Variants in USP34 observed in about 807,000 individuals in gnomAD.
USP34 encodes the protein ubiquitin carboxyl-terminal hydrolase 34.
Under a neutral mutation model 460.3 loss-of-function variants are expected in USP34, and 70 were observed. That is an observed-to-expected ratio of 0.15 (90% CI 0.13 to 0.19). USP34 has a LOEUF of 0.19. USP34 is among the 10% of genes least tolerant of loss of function. USP34 has a pLI of 1.00. For synonymous variants in USP34, 1,647 were observed against 1,405.3 expected, an observed-to-expected ratio of 1.17 and a Z score of -3.85; for missense variants, 3,985 against 4,236.2, an observed-to-expected ratio of 0.94 and a Z score of 1.65.
chr2:61,333,197 C>T (rs930458880), intron 19 of USP34, among the ~76,000 whole-genome samples: 4 of 151,988 alleles, frequency 2.6e-5, no homozygotes, highest in African/African-American at 9.7e-5. Flanking sequence ...AAAGTTCTAC[C>T]TCTGGAAGAA....
intron 43 of USP34, among the ~76,000 whole-genome samples, chr2:61,261,927 AC>A (rs1430462252): frequency 1.3e-5 from 2 of 151,324 alleles, no homozygotes; most frequent in Non-Finnish European, 2.9e-5. Flanking sequence ...AGATGGTTAA[AC>A]CCTGTCTCTG....
chr2:61,425,221 A>G (rs1010062468), intron 1 of USP34, among the ~76,000 whole-genome samples: 9 of 152,206 alleles, frequency 5.9e-5, no homozygotes, highest in Admixed American at 5.9e-4. Context: ...ATCTACATAG[A>G]AAAAACACCT....
At chr2:61,412,114 A>T (rs1045958503) in intron 2 of USP34, among the ~76,000 whole-genome samples, 3 of 149,630 alleles carry the variant, frequency 2.0e-5, no homozygotes, top group African/African-American at 7.4e-5. Context: ...ACTTGAACCC[A>T]GGAGGCAGAG....
chr2:61,425,573 G>A (rs546183688), intron 1 of USP34, among the ~76,000 whole-genome samples: 1 of 152,194 alleles, frequency 6.6e-6, no homozygotes, highest in Admixed American at 6.5e-5. Flanking sequence ...GCCCTAAAGC[G>A]GAGGGCAACT....
At position 61,285,094 on chromosome 2, in the gene USP34, T is replaced by G. The variant is rs1416393644; in HGVS notation, c.4750-137A>C. 4 of 604,854 alleles carry G rather than the reference T, an allele frequency of 6.6e-6. No homozygotes were observed. In the African/African-American group the frequency reaches 7.4e-5, roughly 11 times the overall value. 37.5% of individuals were successfully genotyped at this position (604,854 alleles called of 1,614,324 possible). A position where few individuals can be genotyped will look rare whatever the true frequency, so the allele number is the denominator to read the frequency against. On this transcript the variant is annotated intron_variant, in intron 34 of 79. Coordinates refer to ENST00000398571, the MANE Select transcript of USP34 (RefSeq NM_014709.4). ...AAATTCCAAATTATTTTGATATTTA[T>G]CTATAACACAATAAAGAATGTCGTA...
chr2:61,188,640 C>A lies in USP34; in HGVS notation c.10103G>T (p.Cys3368Phe). 6.2e-7 allele frequency: 1 copy of A among 1,614,176 alleles called. No homozygotes were observed. The change falls in exon 80 of 80, where the codon TGC (cysteine) becomes TTC (phenylalanine). Residue 3368 changes from cysteine (C) to phenylalanine (F), a missense_variant. Cys to Phe is a radical substitution (Grantham distance 205, BLOSUM62 -2). Around this residue, in one of 14 missense-constraint regions of USP34, gnomAD observed 506 missense variants for 439.0 expected, o/e 1.15. Coordinates refer to ENST00000398571, the MANE Select transcript of USP34 (RefSeq NM_014709.4). ...GGTTTCTGTTTTCATGTCACTGATG[C>A]AGCTGTCTACAGTGTGCTCCTCATC... ...SSDEEHTVDS[C>F]ISDMKTETRE...
intron 48 of USP34, among the ~76,000 whole-genome samples, chr2:61,251,939 G>A (rs1174627369): frequency 6.6e-6 from 1 of 151,264 alleles, no homozygotes; most frequent in African/African-American, 2.4e-5. Context: ...ACTCAATTCG[G>A]TTGTTAAATA....
intron 21 of USP34, among the ~76,000 whole-genome samples, chr2:61,321,298 C>T (rs1476266754): frequency 1.3e-5 from 2 of 152,096 alleles, no homozygotes; most frequent in African/African-American, 4.8e-5. Flanking sequence ...TGGTGAAACC[C>T]TGTCTCTACT....
chr2:61,206,857 G>C lies in USP34; in HGVS notation c.8949C>G (p.His2983Gln). The C allele has an allele frequency of 6.2e-7, 1 of 1,613,446 alleles. No individual in the cohort carries two copies. The highest frequency in any genetic ancestry group is 8.5e-7 in the Non-Finnish European group (1 of 1,179,690). The change falls in exon 71 of 80, where the codon CAC becomes CAG. Residue 2983 changes from histidine to glutamine, a missense_variant. This residue lies in a region of USP34 where 275 missense variants were observed against 292.7 expected (regional missense o/e 0.94). Transcript: ENST00000398571. ...CAGTCACATGGCAAGCTGTAGCTTC[G>C]TGATACATCATGTGCAAAGTGTTGA... ...ESFNTLHMMY[H>Q]EATACHVTGD...
At chr2:61,374,177 A>G (rs766385682) in intron 8 of USP34, among the ~76,000 whole-genome samples, 89 of 151,434 alleles carry the variant, frequency 5.9e-4, no homozygotes, top group East Asian at 3.5e-3. Context: ...AAAAAAAAAA[A>G]ACAGAGAAAA....
At chr2:61,236,613 G>A (rs2103845983) in intron 53 of USP34, among the ~76,000 whole-genome samples, 1 of 152,150 alleles carries the variant, frequency 6.6e-6, no homozygotes, top group East Asian at 1.9e-4. Flanking sequence ...CAATTGTGAG[G>A]TTTTTATTGT....
chr2:61,400,442 T>C (rs1391879347), intron 3 of USP34, among the ~76,000 whole-genome samples: 1 of 152,076 alleles, frequency 6.6e-6, no homozygotes, highest in Admixed American at 6.6e-5. Flanking sequence ...ATTAAGAAAA[T>C]GCTGCTCCAT....
At chr2:61,210,829 G>GCC (rs376596070) in intron 69 of USP34, among the ~76,000 whole-genome samples, 2 of 151,936 alleles carry the variant, frequency 1.3e-5, no homozygotes, top group African/African-American at 2.4e-5. Flanking sequence ...TCCCACCTCA[G>GCC]CCCCCCGAGG....
chr2:61,304,947 C>CA (rs1348538472), intron 27 of USP34, among the ~76,000 whole-genome samples: 5 of 152,084 alleles, frequency 3.3e-5, no homozygotes, highest in African/African-American at 1.2e-4. Flanking sequence ...AATGAAATCT[C>CA]AAAAAACTCT....
intron 27 of USP34, among the ~76,000 whole-genome samples, chr2:61,307,898 A>T (rs939527637): frequency 6.6e-6 from 1 of 151,878 alleles, no homozygotes; most frequent in African/African-American, 2.4e-5. Context: ...AAAATACAAA[A>T]ATCAGCTGGG....
chr2:61,455,979 T>C (rs1315037609), intron 1 of USP34, among the ~76,000 whole-genome samples: 1 of 152,126 alleles, frequency 6.6e-6, no homozygotes, highest in Non-Finnish European at 1.5e-5. Context: ...GATCACTCAC[T>C]CAAGTATCAT....
At chr2:61,316,820 C>T (rs575735918) in intron 23 of USP34, among the ~76,000 whole-genome samples, 3 of 146,342 alleles carry the variant, frequency 2.0e-5, no homozygotes, top group African/African-American at 5.1e-5. Context: ...CGGGAGGTGG[C>T]GGTTGCAGTG....
intron 2 of USP34, among the ~76,000 whole-genome samples, chr2:61,408,156 T>C (rs1693936176): frequency 1.3e-5 from 2 of 152,040 alleles, no homozygotes; most frequent in South Asian, 4.1e-4. Flanking sequence ...CAGCACTAAC[T>C]TGGTCACTAT....
chr2:61,349,110 G>T (rs867643745), intron 13 of USP34, 140 bp downstream of exon 13: 6 of 1,095,724 alleles, frequency 5.5e-6, no homozygotes, highest in Admixed American at 5.6e-5. Flanking sequence ...TGGGTAACAC[G>T]AATATGTTAA....
Sources: gnomAD v4.1 joint callset for allele counts (sites outside exome capture counted in the v4.1 genomes callset) on GRCh38, gnomAD v4.1.1 for gene constraint, gnomAD v4.1.1 regional missense constraint, MANE v1.5 for transcripts, NCBI Gene and HGNC (gene_info 2026-07-23, HGNC 2026-07-21) for gene names.